The following MBD1 variants were observed in gnomAD, a reference collection of about 807,000 sequenced individuals.
MBD1 encodes the protein methyl-CpG-binding domain protein 1.
In MBD1, 25 loss-of-function variants were observed where a neutral mutation model predicts 82.6. That is an observed-to-expected ratio of 0.30 (90% CI 0.22 to 0.42). The LOEUF (loss-of-function observed/expected upper bound fraction) is 0.42, where lower values mean the gene tolerates loss of function less well. Among genes scored for constraint, MBD1 ranks in the 10% least tolerant of loss-of-function variants. The pLI is 1.00. For missense variants in MBD1, 627 were observed against 819.6 expected (o/e 0.76, Z 2.87); for synonymous variants, 301 against 303.7 (o/e 0.99, Z 0.09).
intron 2 of MBD1, 53 bp from the exon 3 acceptor site, chr18:50,277,257 C>T (rs1217224450): frequency 2.9e-6 from 4 of 1,396,806 alleles, no homozygotes; most frequent in Admixed American, 1.8e-5. Context: ...TGCCATTTCA[C>T]TCATACAACC....
chr18:50,273,035 G>A (rs2036273407), intron 13 of MBD1, 80 bp from the exon 14 acceptor site: 1 of 1,548,708 alleles, frequency 6.5e-7, no homozygotes, highest in Non-Finnish European at 8.9e-7. Flanking sequence ...ACCCCTCACT[G>A]TGCTGACAAA....
At chr18:50,272,463 G>A in intron 15 of MBD1, 1 of 622,460 alleles carries the variant, frequency 1.6e-6, no homozygotes, top group Non-Finnish European at 2.9e-6. Flanking sequence ...TACCCCCAAA[G>A]GAGAGTCCTA....
rs780846145 is a variant in MBD1, at chr18:50,275,662, G to T, written c.730C>A (p.Leu244Ile). The T allele has an allele frequency of 6.2e-7, 1 of 1,614,238 alleles. No homozygotes were observed. Among genetic ancestry groups the T allele is most frequent in the Non-Finnish European group, 8.5e-7 (1 of 1,180,038 alleles). Residue 244 changes from leucine to isoleucine, a missense_variant, in exon 8 of 17, where the codon CTT (leucine) becomes ATT (isoleucine). Physicochemically the swap from Leu to Ile is conservative, Grantham distance 5. This residue lies in a region of MBD1 where 228 missense variants were observed against 318.1 expected (regional missense o/e 0.72). Coordinates refer to ENST00000269468, the MANE Select transcript of MBD1 (RefSeq NM_015846.4). ...CTGAGACCAGGGCGGGGAGGGCGAA[G>T]GCAGATGGGGCAATGGCCACAATCC... is the stretch of plus-strand genomic sequence containing the variant. ...QEDCGHCPIC[L>I]RPPRPGLRRQ...
At chr18:50,277,747 T>C (rs751611586) in intron 2 of MBD1, among the ~76,000 whole-genome samples, 2 of 152,202 alleles carry the variant, frequency 1.3e-5, no homozygotes, top group African/African-American at 4.8e-5. Context: ...CCAAGGATGT[T>C]TGTAAAGCAA....
intron 15 of MBD1, among the ~76,000 whole-genome samples, chr18:50,271,990 C>A (rs948506630): frequency 6.6e-6 from 1 of 152,216 alleles, no homozygotes; most frequent in African/African-American, 2.4e-5. Context: ...CTCCCAACCA[C>A]CCTAGTCCTT....
Position 50,277,109 on chromosome 18 carries a change from A to C in MBD1, c.206T>G (p.Leu69Trp). ...LTLFDFKQGI[L>W]CYPAPKAHPV... Reference sequence around the variant, plus strand: ...AAGTACCTTGGGGGCTGGATAGCACAAGATGCCTTGTTTGAAGTCGAAGAG... The same window carrying C: ...AAGTACCTTGGGGGCTGGATAGCACCAGATGCCTTGTTTGAAGTCGAAGAG... The change falls in exon 3 of 17, where the codon TTG (leucine) becomes TGG (tryptophan). Residue 69 changes from leucine to tryptophan, a missense_variant. Coordinates refer to ENST00000269468, the MANE Select transcript of MBD1 (RefSeq NM_015846.4). The C allele has an allele frequency of 6.2e-7, 1 of 1,614,250 alleles. No individual in the cohort carries two copies. The highest frequency in any genetic ancestry group is 8.5e-7 in the Non-Finnish European group (1 of 1,180,048).
chr18:50,277,389 A>G (rs572800001), intron 2 of MBD1, among the ~76,000 whole-genome samples, 185 bp from the exon 3 acceptor site: 2 of 152,242 alleles, frequency 1.3e-5, no homozygotes, highest in South Asian at 4.1e-4. Context: ...ACACATATAG[A>G]AACATTAGAA....
At chr18:50,269,905 A>G (rs1486749510) in intron 16 of MBD1, 87 bp from the exon 17 acceptor site, 2 of 1,167,130 alleles carry the variant, frequency 1.7e-6, no homozygotes, top group Non-Finnish European at 2.6e-6. Flanking sequence ...TCAGATCCCT[A>G]TAATAAATCC....
At chr18:50,276,164 CTGT>C in intron 6 of MBD1, 183 bp from the exon 7 acceptor site, 1 of 841,872 alleles carries the variant, frequency 1.2e-6, no homozygotes, top group South Asian at 1.5e-5. Flanking sequence ...TACTGGTCCC[CTGT>C]TCACTTCATC....
At position 50,276,732 on chromosome 18, in the gene MBD1, G is replaced by A. The variant is rs114907308; in HGVS notation, c.405C>T (p.Asn135=). Reference sequence around the variant, plus strand: ...CATCCCCTGAGAAGCTGATTCCACAGTTCTCACAGCACCTGGGATGGGAAA... The same window carrying A: ...CATCCCCTGAGAAGCTGATTCCACAATTCTCACAGCACCTGGGATGGGAAA... ...ASFPAPGCCE[N]CGISFSGDGT... The change falls in exon 5 of 17, where the codon AAC becomes AAT. Residue 135 remains asparagine, a synonymous_variant. Transcript: ENST00000269468. The A allele has an allele frequency of 1.2e-6, 2 of 1,614,218 alleles. No homozygotes were observed. Among genetic ancestry groups the A allele is most frequent in the East Asian group, 4.5e-5 (2 of 44,882 alleles).
chr18:50,277,448 T>C (rs951415038), intron 2 of MBD1, among the ~76,000 whole-genome samples: 5 of 151,928 alleles, frequency 3.3e-5, no homozygotes, highest in African/African-American at 1.2e-4. Context: ...ATAATACTAG[T>C]AATACTGGAA....
At chr18:50,277,362 A>C (rs1362511082) in intron 2 of MBD1, among the ~76,000 whole-genome samples, 158 bp from the exon 3 acceptor site, 1 of 152,250 alleles carries the variant, frequency 6.6e-6, no homozygotes, top group Admixed American at 6.5e-5. Flanking sequence ...AACATAAAAA[A>C]ATTAATATAA....
chr18:50,267,686 A>C, downstream of MBD1: 1 of 1,507,232 alleles, frequency 6.6e-7, no homozygotes, highest in Non-Finnish European at 8.9e-7. Context: ...TAAGAATGAC[A>C]CTGTGATACT....
rs572591941 is a variant in MBD1, at chr18:50,278,994, A to G, written c.110+889T>C. 2.6e-5 allele frequency among the ~76,000 whole-genome samples: 4 copies of G among 152,352 alleles called. No homozygotes were observed. In the East Asian group the frequency reaches 7.7e-4, roughly 29 times the overall value. On this transcript the variant is annotated intron_variant, in intron 2 of 16. Coordinates refer to ENST00000269468, the MANE Select transcript of MBD1 (RefSeq NM_015846.4). ...TTGACATTGAAAACCACTCTTCCACACAACCCCTTTCCTGTACAACACTTA... is the reference window on the plus strand; with the variant it reads ...TTGACATTGAAAACCACTCTTCCACGCAACCCCTTTCCTGTACAACACTTA...
At chr18:50,277,386 T>A (rs1251198941) in intron 2 of MBD1, among the ~76,000 whole-genome samples, 182 bp from the exon 3 acceptor site, 5 of 151,978 alleles carry the variant, frequency 3.3e-5, no homozygotes, top group African/African-American at 9.7e-5. Context: ...CCAACACATA[T>A]AGAAACATTA....
In MBD1 at chr18:50,277,001, G is replaced by A; in HGVS notation, c.226-3C>T. On this transcript the variant is annotated splice_region_variant and splice_polypyrimidine_tract_variant and intron_variant, in intron 3 of 16. Transcript: ENST00000269468. Reference sequence around the variant, plus strand: ...CTGGCAACCGCCACGGGATGGGCCTGGAAAGTAAGGGAAGGAGGAATATGG... The same window carrying A: ...CTGGCAACCGCCACGGGATGGGCCTAGAAAGTAAGGGAAGGAGGAATATGG... 1 of 1,614,232 alleles carries A rather than the reference G, an allele frequency of 6.2e-7. No homozygotes were observed. Among genetic ancestry groups the A allele is most frequent in the Non-Finnish European group, 8.5e-7 (1 of 1,180,042 alleles).
chr18:50,269,501 T>A lies in MBD1; in HGVS notation c.*350A>T. The stretch of plus-strand genomic sequence containing the variant: ...ACCAGGCGTTGTTGCAGTTCACACG[T>A]TGCCATGTATCTGCTAGATCACCTC... On this transcript the variant is annotated 3_prime_UTR_variant, in exon 17 of 17. Transcript: ENST00000269468. 1 of 715,702 alleles carries A rather than the reference T, an allele frequency of 1.4e-6. No homozygotes were observed. Among genetic ancestry groups the A allele is most frequent in the Non-Finnish European group, 2.6e-6 (1 of 391,944 alleles). 44.3% of individuals were successfully genotyped at this position (715,702 alleles called of 1,614,324 possible). A position where few individuals can be genotyped will look rare whatever the true frequency, so the allele number is the denominator to read the frequency against.
rs2040224321 is a variant in MBD1, at chr18:50,281,388, C to T, written c.-51G>A. The stretch of plus-strand genomic sequence containing the variant: ...CAGTTTGGCACCAGGCCGGTATCTT[C>T]CGCCACTCTAGGCCCGTGGACCCAT... On this transcript the variant is annotated 5_prime_UTR_variant, in exon 1 of 17. Transcript: ENST00000269468. 2.9e-6 allele frequency: 2 copies of T among 695,594 alleles called. No individual in the cohort carries two copies. The highest frequency in any genetic ancestry group is 1.7e-5 in the African/African-American group (1 of 57,320). The allele number at this position is 695,594 out of a possible 1,614,324, so 43.1% of individuals were successfully genotyped here.
At chr18:50,271,037 C>A in intron 16 of MBD1, 3 of 1,015,128 alleles carry the variant, frequency 3.0e-6, no homozygotes, top group Non-Finnish European at 3.5e-6. Context: ...GAGGAACACA[C>A]CAAATAGCAG....
Sources: gnomAD v4.1 joint callset for allele counts (sites outside exome capture counted in the v4.1 genomes callset) on GRCh38, gnomAD v4.1.1 for gene constraint, gnomAD v4.1.1 regional missense constraint, MANE v1.5 for transcripts, NCBI Gene and HGNC (gene_info 2026-07-23, HGNC 2026-07-21) for gene names.